The following BIRC6 variants were observed in gnomAD, a reference collection of about 807,000 sequenced individuals.
BIRC6 encodes the protein baculoviral IAP repeat containing 6.
BIRC6 carries 98 observed loss-of-function variants against 503.3 expected under a neutral mutation model. That is an observed-to-expected ratio of 0.19 (90% CI 0.17 to 0.23). The LOEUF (loss-of-function observed/expected upper bound fraction) is 0.23. BIRC6 is among the 10% of genes least tolerant of loss of function. The pLI, the probability that BIRC6 is intolerant of heterozygous loss-of-function variation, is 1.00. For synonymous variants in BIRC6, 2,240 were observed against 2,078.7 expected, an observed-to-expected ratio of 1.08 and a Z score of -2.11; for missense variants, 5,360 against 5,806.0, an observed-to-expected ratio of 0.92 and a Z score of 2.50.
chr2:32,479,367 T>C (rs1004674628), intron 36 of BIRC6, 95 bp from the exon 37 acceptor site: 78 of 1,193,178 alleles, frequency 6.5e-5, no homozygotes, highest in Non-Finnish European at 7.1e-6. Flanking sequence ...GAGCATTTAT[T>C]CTGTCAGTGA....
intron 4 of BIRC6, among the ~76,000 whole-genome samples, chr2:32,390,838 TTTTG>T (rs1204190095): frequency 6.6e-6 from 1 of 152,212 alleles, no homozygotes; most frequent in African/African-American, 2.4e-5. Context: ...CTTACCCTCT[TTTTG>T]TTAGTTAAGT....
chr2:32,457,610 C>T lies in BIRC6; in HGVS notation c.4753+3668C>T, dbSNP rs74618834. ...TAGATTCCAGAAGTATATATGAATTCCCATGATACATTATTATAATTTTTT... is the reference window on the plus strand; with the variant it reads ...TAGATTCCAGAAGTATATATGAATTTCCATGATACATTATTATAATTTTTT... On this transcript the variant is annotated intron_variant, in intron 23 of 73. Coordinates refer to ENST00000421745, the MANE Select transcript of BIRC6 (RefSeq NM_016252.4). Among the ~76,000 whole-genome samples the T allele has an allele frequency of 7.6e-3, 1,152 of 152,106 alleles. 5 individuals carry two copies. Among genetic ancestry groups the T allele is most frequent in the Non-Finnish European group, 0.012 (816 of 67,976 alleles).
chr2:32,442,234 A>C lies in BIRC6; in HGVS notation c.4106+8A>C. On this transcript the variant is annotated splice_region_variant and intron_variant, in intron 18 of 73. Transcript: ENST00000421745. ...TTCAAATGGACCCGGAAGGTTAATA[A>C]TTAAAATTTTGCTTACCACTGTTGA... The C allele has an allele frequency of 6.2e-7, 1 of 1,602,488 alleles. No individual in the cohort carries two copies. The highest frequency in any genetic ancestry group is 8.5e-7 in the Non-Finnish European group (1 of 1,174,522).
At chr2:32,612,420 G>T (rs75801395) in intron 73 of BIRC6, among the ~76,000 whole-genome samples, 1 of 152,068 alleles carries the variant, frequency 6.6e-6, no homozygotes, top group Non-Finnish European at 1.5e-5. Flanking sequence ...CTTTTTTCCT[G>T]CATCTGAATG....
At chr2:32,554,134 A>G (rs1416284166) in intron 65 of BIRC6, among the ~76,000 whole-genome samples, 2 of 152,164 alleles carry the variant, frequency 1.3e-5, no homozygotes, top group African/African-American at 4.8e-5. Context: ...ACCCTCACCT[A>G]TTTTAGAAAA....
intron 34 of BIRC6, among the ~76,000 whole-genome samples, chr2:32,476,970 G>A (rs192130657): frequency 1.4e-4 from 22 of 152,166 alleles, no homozygotes; most frequent in South Asian, 4.1e-4. Context: ...TGATTATTCC[G>A]CCAGATTTTG....
intron 9 of BIRC6, among the ~76,000 whole-genome samples, chr2:32,411,030 T>A (rs2041813407): frequency 6.8e-6 from 1 of 146,938 alleles, no homozygotes; most frequent in Admixed American, 6.9e-5. Context: ...CTTCATGGAG[T>A]CACCTTGAGT....
intron 57 of BIRC6, 51 bp downstream of exon 57, chr2:32,518,997 A>T (rs1009540157): frequency 6.5e-7 from 1 of 1,530,550 alleles, no homozygotes; most frequent in Non-Finnish European, 8.9e-7. Context: ...TTTGATGTAT[A>T]TGGAGGTTTA....
At position 32,515,257 on chromosome 2, in the gene BIRC6, C is replaced by T; in HGVS notation, c.10836C>T (p.Thr3612=). Residue 3612 remains threonine, a synonymous_variant, in exon 55 of 74, where the codon ACC becomes ACT. Coordinates refer to ENST00000421745, the MANE Select transcript of BIRC6 (RefSeq NM_016252.4). ...CATTAACTGAATCACATTTGGCTACCCTTGCTTCCTCTTCTCAATCTCCTG... is the reference window on the plus strand; with the variant it reads ...CATTAACTGAATCACATTTGGCTACTCTTGCTTCCTCTTCTCAATCTCCTG... ...PLALTESHLA[T]LASSSQSPEA... 2.5e-6 allele frequency: 4 copies of T among 1,613,796 alleles called. No individual in the cohort carries two copies. In the African/African-American group the frequency reaches 5.3e-5, roughly 22 times the overall value.
At chr2:32,403,292 T>G (rs2040799702) in intron 8 of BIRC6, among the ~76,000 whole-genome samples, 2 of 152,222 alleles carry the variant, frequency 1.3e-5, no homozygotes, top group Admixed American at 6.5e-5. Flanking sequence ...TAAAATATAC[T>G]ATGTGGGTTT....
intron 43 of BIRC6, 89 bp from the exon 44 acceptor site, chr2:32,491,336 T>C: frequency 1.6e-6 from 2 of 1,283,690 alleles, no homozygotes; most frequent in Non-Finnish European, 2.1e-6. Context: ...TGTATGAATT[T>C]TCCTTGGAAC....
At chr2:32,573,076 C>T (rs2060027036) in intron 65 of BIRC6, among the ~76,000 whole-genome samples, 1 of 152,196 alleles carries the variant, frequency 6.6e-6, no homozygotes, top group African/African-American at 2.4e-5. Flanking sequence ...TACTTACTAG[C>T]TTCTGAAAAG....
Position 32,467,659 on chromosome 2 carries a change from T to C in BIRC6, c.5491T>C (p.Leu1831=), listed in dbSNP as rs1216747709. The C allele has an allele frequency of 1.9e-6, 3 of 1,613,948 alleles. No homozygotes were observed. The highest frequency in any genetic ancestry group is 2.5e-6 in the Non-Finnish European group (3 of 1,179,876). ...AGGAGAAGAGGTGGATGGAAGGCGGTTGGTAGTGGCAACTGATATAAGCAC... is the reference window on the plus strand; with the variant it reads ...AGGAGAAGAGGTGGATGGAAGGCGGCTGGTAGTGGCAACTGATATAAGCAC... ...TLGEEVDGRR[L]VVATDISTHS... Residue 1831 remains leucine (L), a synonymous_variant, in exon 27 of 74, where the codon TTG becomes CTG. Coordinates refer to ENST00000421745, the MANE Select transcript of BIRC6 (RefSeq NM_016252.4).
chr2:32,517,839 C>T (rs1022420661), intron 55 of BIRC6, among the ~76,000 whole-genome samples: 21 of 152,150 alleles, frequency 1.4e-4, no homozygotes, highest in Non-Finnish European at 2.2e-4. Context: ...TCTTAGTTTC[C>T]CAAAGTTCTG....
intron 23 of BIRC6, among the ~76,000 whole-genome samples, chr2:32,459,960 A>G (rs532275156): frequency 6.6e-6 from 1 of 150,964 alleles, no homozygotes; most frequent in Non-Finnish European, 1.5e-5. Flanking sequence ...TATAGTTTGC[A>G]GTTTCTTAGA....
intron 42 of BIRC6, among the ~76,000 whole-genome samples, chr2:32,489,791 T>G (rs2051469190): frequency 6.6e-6 from 1 of 152,194 alleles, no homozygotes; most frequent in South Asian, 2.1e-4. Flanking sequence ...AAGTACAACA[T>G]ACTGAGAGTG....
intron 2 of BIRC6, 71 bp from the exon 3 acceptor site, chr2:32,380,082 T>C (rs2037402164): frequency 9.1e-7 from 1 of 1,094,002 alleles, no homozygotes. Context: ...TGAAAGAGGA[T>C]CTGAATTTAA....
At chr2:32,362,487 T>G (rs1217384206) in intron 1 of BIRC6, among the ~76,000 whole-genome samples, 1 of 152,000 alleles carries the variant, frequency 6.6e-6, no homozygotes, top group African/African-American at 2.4e-5. Context: ...GGCTAATTTT[T>G]TTTTGTATTT....
chr2:32,478,198 G>A (rs1374217124), intron 35 of BIRC6, among the ~76,000 whole-genome samples: 1 of 152,082 alleles, frequency 6.6e-6, no homozygotes, highest in Non-Finnish European at 1.5e-5. Flanking sequence ...TTAGCTGGGT[G>A]TGGTGGCATG....
Sources: allele counts gnomAD v4.1 joint callset (sites outside exome capture counted in the v4.1 genomes callset), GRCh38; gene constraint gnomAD v4.1.1; transcripts MANE v1.5; gene names NCBI Gene and HGNC (gene_info 2026-07-23, HGNC 2026-07-21).